Variants in PBRM1 observed in about 807,000 individuals in gnomAD.
The protein encoded by PBRM1 is protein polybromo-1.
PBRM1 carries 27 observed loss-of-function variants against 194.5 expected under a neutral mutation model. The observed-to-expected ratio is 0.14, with a 90% CI of 0.10 to 0.19. PBRM1 has a LOEUF of 0.19. Among genes scored for constraint, PBRM1 ranks in the 10% least tolerant of loss-of-function variants. The pLI is 1.00. For synonymous variants in PBRM1, 655 were observed against 693.2 expected (o/e 0.94, Z 0.87); for missense variants, 1,466 against 2,077.2 (o/e 0.71, Z 5.72).
chr3:52,550,765 T>A, exon 28 of PBRM1: 1 of 1,612,236 alleles, frequency 6.2e-7, no homozygotes, highest in African/African-American at 1.3e-5. Flanking sequence ...CATATGGACT[T>A]CCACCTGGTG....
intron 4 of PBRM1, among the ~76,000 whole-genome samples, chr3:52,659,698 C>T (rs773109294): frequency 2.0e-5 from 3 of 152,182 alleles, no homozygotes; most frequent in Non-Finnish European, 4.4e-5. Context: ...GTTGGGATTG[C>T]AGGCGTGAGC....
chr3:52,659,565 A>G (rs1350753659), intron 4 of PBRM1, among the ~76,000 whole-genome samples: 1 of 152,054 alleles, frequency 6.6e-6, no homozygotes, highest in Non-Finnish European at 1.5e-5. Context: ...GGGACCACAG[A>G]TGTGTACCAC....
chr3:52,554,918 C>T (rs2081905864), intron 26 of PBRM1, 39 bp from the exon 29 acceptor site: 1 of 1,582,940 alleles, frequency 6.3e-7, no homozygotes, highest in African/African-American at 1.3e-5. Flanking sequence ...GCATCATTAA[C>T]ATGCAACATG....
exon 7 of PBRM1, chr3:52,648,368 A>G (rs1413044416): frequency 1.0e-5 from 16 of 1,606,800 alleles, no homozygotes; most frequent in Non-Finnish European, 1.4e-5. Context: ...AGCCAGGCTC[A>G]TTATAAGTTT....
downstream of PBRM1, chr3:52,546,958 A>G: frequency 4.3e-6 from 1 of 233,228 alleles, no homozygotes; most frequent in East Asian, 6.1e-5. Context: ...ACATCTGATA[A>G]TAAGGAAATA....
chr3:52,605,645 C>T (rs1267368018), intron 16 of PBRM1, among the ~76,000 whole-genome samples: 1 of 151,332 alleles, frequency 6.6e-6, no homozygotes, highest in African/African-American at 2.4e-5. Context: ...TCTTGTTGCC[C>T]AGGCTGGAGT....
chr3:52,648,362 A>C, exon 7 of PBRM1: 1 of 1,602,740 alleles, frequency 6.2e-7, no homozygotes. Context: ...CTTGAGAGCC[A>C]GGCTCATTAT....
At chr3:52,673,128 C>T (rs149612010) in intron 2 of PBRM1, among the ~76,000 whole-genome samples, 2,899 of 151,120 alleles carry the variant, frequency 0.019, 98 homozygotes, top group African/African-American at 0.066. Context: ...GCTGGGATTA[C>T]AGGCACCCAC....
rs1384458457 is a variant in PBRM1 at position 52,609,488 on chromosome 3, T to C, written c.2392A>G (p.Arg798Gly). Reference sequence around the variant, plus strand: ...TCTGCTAAAGAATCGCTGTAGCATCTTCCCTCATCATCCTGATGACTCATG... The same window carrying C: ...TCTGCTAAAGAATCGCTGTAGCATCCTCCCTCATCATCCTGATGACTCATG... The change falls in exon 16 of 30, where the codon AGA becomes GGA. Residue 798 changes from arginine to glycine, a missense_variant. Physicochemically the swap from Arg to Gly is moderately radical, Grantham distance 125. Coordinates refer to ENST00000296302, the Ensembl canonical transcript of PBRM1. The surrounding 1 kb of genome is among the most constrained non-coding windows in gnomAD (Gnocchi z 4.1). The C allele has an allele frequency of 6.2e-7, 1 of 1,613,954 alleles. No individual in the cohort carries two copies. The highest frequency in any genetic ancestry group is 2.2e-5 in the East Asian group (1 of 44,876).
intron 27 of PBRM1, among the ~76,000 whole-genome samples, chr3:52,552,469 T>C (rs1157882646): frequency 6.6e-6 from 1 of 152,162 alleles, no homozygotes; most frequent in East Asian, 1.9e-4. Flanking sequence ...AAAATAGATA[T>C]GGGGTTTCAC....
At chr3:52,654,372 G>C (rs564820350) in intron 5 of PBRM1, among the ~76,000 whole-genome samples, 1 of 152,286 alleles carries the variant, frequency 6.6e-6, no homozygotes, top group South Asian at 2.1e-4. Flanking sequence ...CTACTTCTGA[G>C]AGAAAGTTCA....
chr3:52,548,148 A>G, exon 30 of PBRM1: 1 of 1,610,960 alleles, frequency 6.2e-7, no homozygotes. Flanking sequence ...GGCATCTGCC[A>G]TGGTGGTGTG....
At chr3:52,570,739 C>A (rs1316930757) in intron 22 of PBRM1, among the ~76,000 whole-genome samples, 1 of 152,168 alleles carries the variant, frequency 6.6e-6, no homozygotes, top group Non-Finnish European at 1.5e-5. Context: ...GGGGAACTGG[C>A]ATCTTTTTAA....
chr3:52,605,966 A>G (rs2094327558), intron 16 of PBRM1, among the ~76,000 whole-genome samples: 1 of 151,516 alleles, frequency 6.6e-6, no homozygotes, highest in Non-Finnish European at 1.5e-5. Flanking sequence ...AAAGCAATAA[A>G]AATAAAACTT....
exon 24 of PBRM1, chr3:52,563,487 T>G: frequency 6.2e-7 from 1 of 1,613,366 alleles, no homozygotes; most frequent in Admixed American, 1.7e-5. Context: ...GAGGAACAAT[T>G]GGTTTTCTGA....
chr3:52,646,609 T>C (rs1043622526), intron 7 of PBRM1, among the ~76,000 whole-genome samples: 1 of 145,472 alleles, frequency 6.9e-6, no homozygotes, highest in African/African-American at 2.6e-5. Flanking sequence ...TATGGTCAAT[T>C]GATTTCTAAC....
chr3:52,670,317 C>G (rs555072181), intron 2 of PBRM1, among the ~76,000 whole-genome samples: 3 of 152,190 alleles, frequency 2.0e-5, no homozygotes, highest in Non-Finnish European at 4.4e-5. Context: ...TGAAATACTT[C>G]TAATTTCTAA....
chr3:52,658,128 T>C, intron 5 of PBRM1, 71 bp downstream of exon 6: 1 of 781,628 alleles, frequency 1.3e-6, no homozygotes, highest in Non-Finnish European at 2.3e-6. Flanking sequence ...TATTTATCAG[T>C]AATTAATACA....
intron 24 of PBRM1, among the ~76,000 whole-genome samples, chr3:52,562,593 G>C (rs2083918480): frequency 6.7e-6 from 1 of 149,098 alleles, no homozygotes; most frequent in South Asian, 2.1e-4. Context: ...CACCAGGCTG[G>C]AGTACAGTGG....
Sources: allele counts gnomAD v4.1 joint callset (sites outside exome capture counted in the v4.1 genomes callset), GRCh38; gene constraint gnomAD v4.1.1; non-coding constraint Gnocchi (gnomAD v3.1); transcripts MANE v1.5; gene names NCBI Gene and HGNC (gene_info 2026-07-23, HGNC 2026-07-21).